Variants in AGBL1 observed in about 807,000 individuals in gnomAD.
The protein encoded by AGBL1 is cytosolic carboxypeptidase 4.
A neutral mutation model predicts 118.9 loss-of-function variants in AGBL1; 130 were observed. The ratio of observed to expected loss-of-function variants is 1.09; its 90% CI spans 0.95 to 1.26. AGBL1 has a LOEUF of 1.26. Ranked by LOEUF, AGBL1 falls within the 50% of genes most tolerant of loss-of-function variation. AGBL1 has a pLI of 0.00. For missense variants in AGBL1, 1,584 were observed against 1,298.1 expected (o/e 1.22, Z -3.38); for synonymous variants, 555 against 478.9 (o/e 1.16, Z -2.08).
intron 23 of AGBL1, among the ~76,000 whole-genome samples, chr15:86,933,370 A>C (rs1016592403): frequency 1.3e-5 from 2 of 152,148 alleles, no homozygotes; most frequent in African/African-American, 4.8e-5. Context: ...AAAATAAGGG[A>C]TATGGGAGGG....
chr15:86,848,317 A>C (rs2079348138), intron 22 of AGBL1, among the ~76,000 whole-genome samples: 1 of 152,068 alleles, frequency 6.6e-6, no homozygotes, highest in South Asian at 2.1e-4. Context: ...TTTGTAGCTG[A>C]TTTTGAAGGA....
chr15:86,968,672 CA>C (rs1388674856), intron 23 of AGBL1, among the ~76,000 whole-genome samples: 1 of 151,904 alleles, frequency 6.6e-6, no homozygotes, highest in Non-Finnish European at 1.5e-5. Flanking sequence ...TATCCCACAC[CA>C]TGATAATGGA....
At chr15:86,617,920 A>G (rs140328683) in intron 21 of AGBL1, among the ~76,000 whole-genome samples, 71 of 152,308 alleles carry the variant, frequency 4.7e-4, no homozygotes, top group African/African-American at 1.7e-3. Context: ...TGGGTCAATG[A>G]TTATGCAATA....
intron 22 of AGBL1, among the ~76,000 whole-genome samples, chr15:86,723,708 A>G (rs569096600): frequency 1.6e-4 from 24 of 152,348 alleles, no homozygotes; most frequent in African/African-American, 5.3e-4. Flanking sequence ...ACGGAAAACT[A>G]GAACTTATAT....
chr15:86,989,339 A>G (rs929023186), intron 24 of AGBL1, among the ~76,000 whole-genome samples: 1 of 152,116 alleles, frequency 6.6e-6, no homozygotes, highest in Admixed American at 6.5e-5. Context: ...CTAAGCTTTT[A>G]CTGTAAAGTC....
chr15:86,570,284 C>G (rs1489922598), intron 21 of AGBL1, among the ~76,000 whole-genome samples: 1 of 152,182 alleles, frequency 6.6e-6, no homozygotes, highest in African/African-American at 2.4e-5. Flanking sequence ...CAGCTATTGT[C>G]CAGGCTCTTG....
intron 22 of AGBL1, among the ~76,000 whole-genome samples, chr15:86,840,866 A>G (rs1042868215): frequency 2.6e-5 from 4 of 152,154 alleles, no homozygotes; most frequent in African/African-American, 9.7e-5. Flanking sequence ...TCCCTAGGTC[A>G]TGTCCCAACC....
At chr15:86,549,587 G>A (rs2083635406) in intron 20 of AGBL1, among the ~76,000 whole-genome samples, 2 of 151,910 alleles carry the variant, frequency 1.3e-5, no homozygotes, top group African/African-American at 2.4e-5. Context: ...TGTCCAGTTT[G>A]CAACCAAAAA....
rs1387961707 is a variant in AGBL1, at chr15:86,914,058, A to G, written c.*6764A>G. The G allele has an allele frequency of 6.6e-6, 1 of 152,214 alleles. No homozygotes were observed. Among genetic ancestry groups the G allele is most frequent in the Non-Finnish European group, 1.5e-5 (1 of 68,036 alleles). 9.4% of individuals were successfully genotyped at this position (152,214 alleles called of 1,614,324 possible). On this transcript the variant is annotated 3_prime_UTR_variant, in exon 23 of 23. Coordinates refer to ENST00000614907, the MANE Select transcript of AGBL1 (RefSeq NM_001386094.1). ...ATAATTATTTGGAGCTATTCAGTTA[A>G]AGTGTCTGAGTGTAGCCCTGGTCTT...
intron 22 of AGBL1, among the ~76,000 whole-genome samples, chr15:86,722,310 T>G (rs1369122374): frequency 6.6e-6 from 1 of 152,116 alleles, no homozygotes; most frequent in Non-Finnish European, 1.5e-5. Context: ...AAAACAGAGA[T>G]ATAGACCAAT....
intron 23 of AGBL1, among the ~76,000 whole-genome samples, chr15:86,940,704 A>G (rs1466335387): frequency 2.0e-5 from 3 of 152,342 alleles, no homozygotes; most frequent in Non-Finnish European, 4.4e-5. Flanking sequence ...AGAGATAGGC[A>G]AATTTCCCAA....
At chr15:86,457,024 A>G (rs1289585086) in intron 18 of AGBL1, among the ~76,000 whole-genome samples, 1 of 152,206 alleles carries the variant, frequency 6.6e-6, no homozygotes, top group African/African-American at 2.4e-5. Flanking sequence ...TTGCCTTGTT[A>G]GTAAACTAAA....
At chr15:86,697,721 C>T (rs185622643) in intron 22 of AGBL1, among the ~76,000 whole-genome samples, 10 of 151,862 alleles carry the variant, frequency 6.6e-5, no homozygotes, top group East Asian at 2.0e-4. Context: ...TGGGCTATGT[C>T]GGAGGGAAGA....
intron 19 of AGBL1, among the ~76,000 whole-genome samples, chr15:86,532,714 T>C (rs2142222227): frequency 6.6e-6 from 1 of 151,698 alleles, no homozygotes; most frequent in Admixed American, 6.6e-5. Context: ...CAAACTATAC[T>C]ACAAGTCTAC....
chr15:86,368,701 A>G (rs376742137), intron 17 of AGBL1, among the ~76,000 whole-genome samples: 13 of 152,206 alleles, frequency 8.5e-5, no homozygotes, highest in Non-Finnish European at 1.8e-4. Context: ...AGACATGAGG[A>G]TATACTGAGA....
chr15:86,343,263 G>A (rs181939978), intron 17 of AGBL1, among the ~76,000 whole-genome samples: 179 of 152,270 alleles, frequency 1.2e-3, no homozygotes, highest in African/African-American at 4.1e-3. Context: ...ATAAAGGGAG[G>A]AAGAGTGACA....
chr15:86,636,977 T>C (rs2085107976), intron 21 of AGBL1, among the ~76,000 whole-genome samples: 1 of 151,582 alleles, frequency 6.6e-6, no homozygotes, highest in African/African-American at 2.4e-5. Flanking sequence ...TCAGATTTCT[T>C]TTTAGGCACA....
At chr15:86,949,166 A>T (rs990155145) in intron 23 of AGBL1, among the ~76,000 whole-genome samples, 4 of 152,244 alleles carry the variant, frequency 2.6e-5, no homozygotes, top group African/African-American at 9.6e-5. Flanking sequence ...AAATGAAAAA[A>T]ATAAAAAAAT....
At chr15:86,232,033 A>G (rs568991181) in intron 6 of AGBL1, among the ~76,000 whole-genome samples, 1 of 152,260 alleles carries the variant, frequency 6.6e-6, no homozygotes, top group Non-Finnish European at 1.5e-5. Flanking sequence ...GCCGAGCCTC[A>G]GGCCGGCCGA....
Sources: allele counts gnomAD v4.1 joint callset (sites outside exome capture counted in the v4.1 genomes callset), GRCh38; gene constraint gnomAD v4.1.1; transcripts MANE v1.5; gene names NCBI Gene and HGNC (gene_info 2026-07-23, HGNC 2026-07-21).